ADGRB3: variants seen among roughly 807,000 people sequenced by gnomAD.
The protein encoded by ADGRB3 is adhesion G protein-coupled receptor B3.
In ADGRB3, 37 loss-of-function variants were observed where a neutral mutation model predicts 193.4. That is an observed-to-expected ratio of 0.19 (90% CI 0.15 to 0.25). ADGRB3 has a LOEUF of 0.25. Among genes scored for constraint, ADGRB3 ranks in the 10% least tolerant of loss-of-function variants. The pLI is 1.00. For missense variants in ADGRB3, 1,637 were observed against 1,852.9 expected (o/e 0.88, Z 2.14); for synonymous variants, 690 against 644.2 (o/e 1.07, Z -1.08).
At chr6:69,360,793 C>A in intron 28 of ADGRB3, 76 bp from the exon 29 acceptor site, 2 of 1,389,042 alleles carry the variant, frequency 1.4e-6, no homozygotes, top group Non-Finnish European at 2.0e-6. Context: ...TAGTAGAAAG[C>A]GAGACAACAT....
rs565354948 is a variant in ADGRB3, at chr6:68,643,860, A to G, written c.757+4428A>G. 7.3e-5 allele frequency among the ~76,000 whole-genome samples: 11 copies of G among 151,032 alleles called. No homozygotes were observed. The East Asian group carries it at 2.2e-3, about 30-fold the overall frequency. Reference sequence around the variant, plus strand: ...AGGTAGAGAATTGCTTGAACCCTGGAGGCAGAGGTTACAGTGAGCCGAGAT... The same window carrying G: ...AGGTAGAGAATTGCTTGAACCCTGGGGGCAGAGGTTACAGTGAGCCGAGAT... On this transcript the variant is annotated intron_variant, in intron 3 of 31. Coordinates refer to ENST00000370598, the MANE Select transcript of ADGRB3 (RefSeq NM_001704.3).
At chr6:69,040,894 A>G (rs1442061017) in intron 13 of ADGRB3, among the ~76,000 whole-genome samples, 1 of 152,156 alleles carries the variant, frequency 6.6e-6, no homozygotes, top group Non-Finnish European at 1.5e-5. Flanking sequence ...CTGGCCTTTT[A>G]GTCTGTGTAC....
chr6:69,019,025 T>TC (rs1770182293), intron 13 of ADGRB3, among the ~76,000 whole-genome samples: 1 of 152,046 alleles, frequency 6.6e-6, no homozygotes, highest in Admixed American at 6.6e-5. Flanking sequence ...ATGCAGTTTT[T>TC]CTGAATATGT....
At chr6:69,162,222 ACGACTT>A (rs1179556816) in intron 17 of ADGRB3, among the ~76,000 whole-genome samples, 2 of 152,114 alleles carry the variant, frequency 1.3e-5, no homozygotes, top group African/African-American at 4.8e-5. Flanking sequence ...TTCTTGCATA[ACGACTT>A]TTATCTTTAG....
Position 69,361,245 on chromosome 6 carries a change from A to G in ADGRB3, c.3972A>G (p.Glu1324=). The change falls in exon 29 of 32, where the codon GAA becomes GAG. Residue 1324 remains glutamate, a synonymous_variant. Transcript: ENST00000370598. Reference sequence around the variant, plus strand: ...TAAATAACCAGCCTTCAATGAAAGAAGAAAGCAAAATGAATATTGGCATGG... The same window carrying G: ...TAAATAACCAGCCTTCAATGAAAGAGGAAAGCAAAATGAATATTGGCATGG... ...SSVNNQPSMK[E]ESKMNIGMET... is the part of the protein sequence containing the mutation. The G allele has an allele frequency of 6.2e-7, 1 of 1,612,900 alleles. No individual in the cohort carries two copies. Among genetic ancestry groups the G allele is most frequent in the Non-Finnish European group, 8.5e-7 (1 of 1,179,298 alleles).
In ADGRB3 at chr6:69,069,443, C is replaced by T. The variant is rs138056212; in HGVS notation, c.2436+6407C>T. On this transcript the variant is annotated intron_variant, in intron 16 of 31. Coordinates refer to ENST00000370598, the MANE Select transcript of ADGRB3 (RefSeq NM_001704.3). ...ATTCCTGAGATGTTTTTAATGTGTC[C>T]TTCTGAAGTATCATTAAAATTATGG... Among the ~76,000 whole-genome samples, 1,098 of 148,400 alleles carry T rather than the reference C, an allele frequency of 7.4e-3. 14 individuals carry two copies. Among genetic ancestry groups the T allele is most frequent in the Non-Finnish European group, 8.1e-3 (545 of 67,458 alleles).
chr6:68,838,493 A>T (rs1768087561), intron 3 of ADGRB3, among the ~76,000 whole-genome samples: 1 of 152,206 alleles, frequency 6.6e-6, no homozygotes, highest in Non-Finnish European at 1.5e-5. Context: ...TGTGCTTCCC[A>T]TTCCACCATT....
Position 69,031,794 on chromosome 6 carries a change from C to T in ADGRB3, c.2107+13295C>T, listed in dbSNP as rs550682730. 7.4e-4 allele frequency among the ~76,000 whole-genome samples: 113 copies of T among 151,736 alleles called. 1 individual carries two copies. Among genetic ancestry groups the T allele is most frequent in the Non-Finnish European group, 1.1e-3 (77 of 67,930 alleles). On this transcript the variant is annotated intron_variant, in intron 13 of 31. Coordinates refer to ENST00000370598, the MANE Select transcript of ADGRB3 (RefSeq NM_001704.3). ...GGACTACAGTCATGCGCCACCACGCCAGGCTAATTTTGGTATTTTTGGTAG... is the reference window on the plus strand; with the variant it reads ...GGACTACAGTCATGCGCCACCACGCTAGGCTAATTTTGGTATTTTTGGTAG...
At chr6:69,114,964 T>A (rs1773486783) in intron 17 of ADGRB3, among the ~76,000 whole-genome samples, 1 of 152,194 alleles carries the variant, frequency 6.6e-6, no homozygotes, top group Non-Finnish European at 1.5e-5. Flanking sequence ...GGAGAGGATG[T>A]GGAGAAATAT....
At chr6:68,872,402 G>C (rs894729646) in intron 3 of ADGRB3, among the ~76,000 whole-genome samples, 1 of 151,046 alleles carries the variant, frequency 6.6e-6, no homozygotes, top group Non-Finnish European at 1.5e-5. Flanking sequence ...TGTCAAAAAA[G>C]GTATTATTTG....
chr6:68,701,257 A>G (rs1232611794), intron 3 of ADGRB3, among the ~76,000 whole-genome samples: 3 of 152,296 alleles, frequency 2.0e-5, no homozygotes, highest in Non-Finnish European at 2.9e-5. Flanking sequence ...CAATAAATCA[A>G]TTCCATTGCC....
chr6:68,960,794 A>AT (rs148354993), intron 8 of ADGRB3, among the ~76,000 whole-genome samples: 9 of 151,646 alleles, frequency 5.9e-5, no homozygotes, highest in Admixed American at 2.0e-4. Flanking sequence ...CCTGAGCCAG[A>AT]CCCCACCAGC....
At chr6:68,875,976 T>C (rs1210962467) in intron 3 of ADGRB3, among the ~76,000 whole-genome samples, 1 of 152,134 alleles carries the variant, frequency 6.6e-6, no homozygotes, top group Non-Finnish European at 1.5e-5. Flanking sequence ...TGCTAAAGCA[T>C]AAACTAGAAT....
At chr6:69,116,785 C>T (rs1370509636) in intron 17 of ADGRB3, among the ~76,000 whole-genome samples, 1 of 152,238 alleles carries the variant, frequency 6.6e-6, no homozygotes, top group African/African-American at 2.4e-5. Flanking sequence ...GCAGGTGGCT[C>T]ATTGCCTGAG....
chr6:68,874,074 T>A (rs906416835), intron 3 of ADGRB3, among the ~76,000 whole-genome samples: 1 of 152,058 alleles, frequency 6.6e-6, no homozygotes, highest in Non-Finnish European at 1.5e-5. Context: ...ACTCTAAAAT[T>A]TGACTTTTAG....
At chr6:69,152,794 A>T (rs62406800) in intron 17 of ADGRB3, among the ~76,000 whole-genome samples, 17,943 of 152,238 alleles carry the variant, frequency 0.12, 1,122 homozygotes, top group African/African-American at 0.13. Context: ...TTGAATGTCC[A>T]AAAAGCAGAT....
intron 8 of ADGRB3, among the ~76,000 whole-genome samples, chr6:68,973,677 G>T (rs1413775090): frequency 6.6e-6 from 1 of 151,944 alleles, no homozygotes; most frequent in Non-Finnish European, 1.5e-5. Context: ...ACTTCATGTG[G>T]CAAACACACC....
intron 20 of ADGRB3, among the ~76,000 whole-genome samples, chr6:69,287,008 T>C (rs1767565815): frequency 6.6e-6 from 1 of 152,186 alleles, no homozygotes; most frequent in Non-Finnish European, 1.5e-5. Context: ...ACTGAACCAT[T>C]TCATATGAAC....
At chr6:69,380,901 C>A (rs1478663063) in intron 30 of ADGRB3, among the ~76,000 whole-genome samples, 1 of 151,820 alleles carries the variant, frequency 6.6e-6, no homozygotes, top group Non-Finnish European at 1.5e-5. Flanking sequence ...TAAAATATCT[C>A]AGAAAAATGT....
Sources: allele counts gnomAD v4.1 joint callset (sites outside exome capture counted in the v4.1 genomes callset), GRCh38; gene constraint gnomAD v4.1.1; transcripts MANE v1.5; gene names NCBI Gene and HGNC (gene_info 2026-07-23, HGNC 2026-07-21).